Variants in KCNB2 observed in about 807,000 individuals in gnomAD.
KCNB2 encodes delayed rectifier potassium channel protein.
KCNB2 carries 15 observed loss-of-function variants against 61.5 expected under a neutral mutation model. That is an observed-to-expected ratio of 0.24 (90% confidence interval 0.16 to 0.38). The LOEUF is 0.38. KCNB2 is among the 10% of genes least tolerant of loss of function. The pLI is 1.00. For missense variants in KCNB2, 828 were observed against 1,125.2 expected, an observed-to-expected ratio of 0.74 and a Z score of 3.78; for synonymous variants, 457 against 446.0, an observed-to-expected ratio of 1.02 and a Z score of -0.31.
At chr8:72,818,196 G>A (rs1809435556) in intron 2 of KCNB2, among the ~76,000 whole-genome samples, 1 of 151,876 alleles carries the variant, frequency 6.6e-6, no homozygotes, top group Non-Finnish European at 1.5e-5. Flanking sequence ...AATCTTTAAA[G>A]AAAAAAATTA....
chr8:72,875,222 GAC>G (rs1805684185), intron 2 of KCNB2: 1 of 152,206 alleles, frequency 6.6e-6, no homozygotes, highest in Admixed American at 6.5e-5. Flanking sequence ...GAAGAGAACA[GAC>G]ACACCCTCAG....
At chr8:72,908,393 A>G (rs1806221033) in intron 2 of KCNB2, among the ~76,000 whole-genome samples, 1 of 152,114 alleles carries the variant, frequency 6.6e-6, no homozygotes, top group Admixed American at 6.6e-5. Context: ...TATCTCCCCA[A>G]CATTAGAACA....
chr8:72,598,065 C>T (rs1267085402), intron 2 of KCNB2, among the ~76,000 whole-genome samples: 1 of 149,196 alleles, frequency 6.7e-6, no homozygotes, highest in African/African-American at 2.5e-5. Flanking sequence ...ATAGCAAAGA[C>T]ATGGAATCAA....
chr8:72,700,228 G>A (rs768815495), intron 2 of KCNB2, among the ~76,000 whole-genome samples: 19 of 152,176 alleles, frequency 1.2e-4, no homozygotes, highest in Middle Eastern at 3.4e-3. Flanking sequence ...AGACCATTAG[G>A]ACAAATACCT....
At chr8:72,842,902 A>AT (rs1205721059) in intron 2 of KCNB2, among the ~76,000 whole-genome samples, 3 of 151,998 alleles carry the variant, frequency 2.0e-5, no homozygotes, top group African/African-American at 7.3e-5. Context: ...GGATCCGTTG[A>AT]TTTTTTGAAG....
intron 2 of KCNB2, among the ~76,000 whole-genome samples, chr8:72,883,314 G>A (rs1805748880): frequency 6.6e-6 from 1 of 152,150 alleles, no homozygotes; most frequent in Non-Finnish European, 1.5e-5. Flanking sequence ...ATCTTATCCC[G>A]GCGTAACTAC....
At chr8:72,590,712 A>G (rs933882947) in intron 2 of KCNB2, among the ~76,000 whole-genome samples, 1 of 152,192 alleles carries the variant, frequency 6.6e-6, no homozygotes, top group East Asian at 1.9e-4. Flanking sequence ...AAAGTGAACC[A>G]TAGGCTATGA....
intron 2 of KCNB2, among the ~76,000 whole-genome samples, chr8:72,733,915 T>C (rs568197452): frequency 6.6e-6 from 1 of 152,270 alleles, no homozygotes; most frequent in East Asian, 1.9e-4. Flanking sequence ...GTGGCTATTT[T>C]TGTCAGCCCA....
chr8:72,937,970 G>A lies in KCNB2; in HGVS notation c.2615G>A (p.Ser872Asn). ...AGGCAAGACATTTACCATGCTGTGA[G>A]TGAAGTCAAAAAGGACAGTAGTCAA... is the stretch of plus-strand genomic sequence containing the variant. ...NCRQDIYHAV[S>N]EVKKDSSQEG... Residue 872 changes from serine to asparagine, a missense_variant, in exon 3 of 3, where the codon AGT becomes AAT. Ser to Asn is a conservative substitution (Grantham distance 46). Coordinates refer to ENST00000523207, the MANE Select transcript of KCNB2 (RefSeq NM_004770.3). 6.2e-7 allele frequency: 1 copy of A among 1,614,102 alleles called. No individual in the cohort carries two copies. The highest frequency in any genetic ancestry group is 8.5e-7 in the Non-Finnish European group (1 of 1,180,006).
At chr8:72,626,544 CAT>C (rs775222720) in intron 2 of KCNB2, among the ~76,000 whole-genome samples, 30 of 152,322 alleles carry the variant, frequency 2.0e-4, no homozygotes, top group African/African-American at 3.8e-4. Context: ...TTGTTAATAA[CAT>C]GTGTTGAGCA....
At position 72,894,503 on chromosome 8, in the gene KCNB2, A is replaced by G. The variant is rs143453974; in HGVS notation, c.580-41432A>G. Among the ~76,000 whole-genome samples, 713 of 152,330 alleles carry G rather than the reference A, an allele frequency of 4.7e-3. 2 individuals are homozygous for G. The highest frequency in any genetic ancestry group is 0.016 in the African/African-American group (685 of 41,588). On this transcript the variant is annotated intron_variant, in intron 2 of 2. Transcript: ENST00000523207. ...AAGTTAGAATCATAACTATGCATTAATTCTTAGAATAAAGACAATGAATTG... is the reference window on the plus strand; with the variant it reads ...AAGTTAGAATCATAACTATGCATTAGTTCTTAGAATAAAGACAATGAATTG...
chr8:72,838,574 G>C (rs927397045), intron 2 of KCNB2, among the ~76,000 whole-genome samples: 4 of 152,172 alleles, frequency 2.6e-5, no homozygotes, highest in African/African-American at 7.2e-5. Context: ...ATAAACATAC[G>C]TGTGCATGTG....
intron 2 of KCNB2, among the ~76,000 whole-genome samples, chr8:72,923,141 A>C (rs1388887503): frequency 6.6e-6 from 1 of 152,104 alleles, no homozygotes; most frequent in Non-Finnish European, 1.5e-5. Context: ...CTGGGTTAAG[A>C]TAAAGGGTTG....
At chr8:72,724,344 T>G (rs1236210659) in intron 2 of KCNB2, among the ~76,000 whole-genome samples, 1 of 152,226 alleles carries the variant, frequency 6.6e-6, no homozygotes, top group Admixed American at 6.5e-5. Flanking sequence ...TGTCTTGGCT[T>G]ACAAATGGAG....
At chr8:72,618,987 T>G (rs544007419) in intron 2 of KCNB2, 17 of 326,354 alleles carry the variant, frequency 5.2e-5, no homozygotes, top group Non-Finnish European at 8.4e-5. Context: ...AAATCTGAAC[T>G]CCACTGACTT....
intron 2 of KCNB2, among the ~76,000 whole-genome samples, chr8:72,630,762 A>T (rs1805865447): frequency 1.3e-5 from 2 of 152,202 alleles, no homozygotes; most frequent in Non-Finnish European, 1.5e-5. Context: ...GTTTTCAACT[A>T]TCAGATTTGT....
chr8:72,771,184 G>T (rs1343098282), intron 2 of KCNB2, among the ~76,000 whole-genome samples: 2 of 152,158 alleles, frequency 1.3e-5, no homozygotes, highest in Admixed American at 6.6e-5. Flanking sequence ...TAACCAAAAA[G>T]TTGTGATGAT....
intron 2 of KCNB2, among the ~76,000 whole-genome samples, chr8:72,598,976 T>C (rs1807244734): frequency 6.6e-6 from 1 of 152,194 alleles, no homozygotes; most frequent in Non-Finnish European, 1.5e-5. Context: ...GAACATTCCA[T>C]GTTCATGGGT....
intron 2 of KCNB2, among the ~76,000 whole-genome samples, chr8:72,684,273 G>A (rs779440344): frequency 2.0e-5 from 3 of 152,224 alleles, no homozygotes; most frequent in Non-Finnish European, 2.9e-5. Flanking sequence ...AAGGTGTACC[G>A]TATCTGATTC....
Sources: allele counts gnomAD v4.1 joint callset (sites outside exome capture counted in the v4.1 genomes callset), GRCh38; gene constraint gnomAD v4.1.1; transcripts MANE v1.5; gene names NCBI Gene and HGNC (gene_info 2026-07-23, HGNC 2026-07-21).